CSMD3: variants seen among roughly 807,000 people sequenced by gnomAD.
CSMD3 encodes CUB and sushi domain-containing protein 3.
In CSMD3, 177 loss-of-function variants were observed where a neutral mutation model predicts 435.2. That is an observed-to-expected ratio of 0.41 (90% CI 0.36 to 0.46). The LOEUF is 0.46. Among genes scored for constraint, CSMD3 ranks in the 20% least tolerant of loss-of-function variants. The probability of loss-of-function intolerance (pLI) is 0.34; values close to 1 mark genes in which losing one functional copy is unlikely to be tolerated. For synonymous variants in CSMD3, 1,656 were observed against 1,520.5 expected (o/e 1.09, Z -2.07); for missense variants, 4,265 against 4,504.6 (o/e 0.95, Z 1.52).
chr8:112,955,419 G>A (rs376546418), intron 7 of CSMD3, among the ~76,000 whole-genome samples: 20 of 151,650 alleles, frequency 1.3e-4, no homozygotes, highest in Non-Finnish European at 2.4e-4. Flanking sequence ...TATTTATGGC[G>A]TACATAGGAT....
chr8:112,962,285 A>G (rs568929914), intron 7 of CSMD3, among the ~76,000 whole-genome samples: 5 of 151,952 alleles, frequency 3.3e-5, no homozygotes, highest in South Asian at 2.1e-4. Flanking sequence ...GTAAATTGTA[A>G]CATGAAAAAT....
At chr8:112,977,151 A>G (rs1314262452) in intron 6 of CSMD3, among the ~76,000 whole-genome samples, 1 of 152,036 alleles carries the variant, frequency 6.6e-6, no homozygotes, top group Admixed American at 6.6e-5. Flanking sequence ...TTTATAATAG[A>G]AGCATGAAAT....
At chr8:113,327,408 AT>A (rs2093991283) in intron 1 of CSMD3, among the ~76,000 whole-genome samples, 1 of 152,216 alleles carries the variant, frequency 6.6e-6, no homozygotes, top group African/African-American at 2.4e-5. Flanking sequence ...TATGGGATTT[AT>A]CCCAAATCTG....
intron 4 of CSMD3, among the ~76,000 whole-genome samples, chr8:113,169,850 G>T (rs2092234612): frequency 6.6e-6 from 1 of 152,110 alleles, no homozygotes; most frequent in African/African-American, 2.4e-5. Flanking sequence ...TCTCATTCAA[G>T]ACTTGGCGCA....
chr8:113,249,760 T>C (rs1345407866), intron 3 of CSMD3, among the ~76,000 whole-genome samples: 1 of 151,976 alleles, frequency 6.6e-6, no homozygotes, highest in Non-Finnish European at 1.5e-5. Flanking sequence ...AAATATTTAA[T>C]GTGGCTACTC....
At chr8:112,323,412 G>A (rs559330485) in intron 45 of CSMD3, among the ~76,000 whole-genome samples, 191 of 152,108 alleles carry the variant, frequency 1.3e-3, no homozygotes, top group African/African-American at 4.4e-3. Context: ...TAAAATTCAT[G>A]CCTTTCCTGG....
chr8:113,334,030 T>C (rs958784704), intron 1 of CSMD3, among the ~76,000 whole-genome samples: 3 of 151,866 alleles, frequency 2.0e-5, no homozygotes, highest in Non-Finnish European at 4.4e-5. Context: ...ATTTTCTTAA[T>C]GAGTGTAAAT....
intron 27 of CSMD3, among the ~76,000 whole-genome samples, chr8:112,524,106 T>C (rs1433238254): frequency 1.3e-5 from 2 of 152,096 alleles, no homozygotes; most frequent in Non-Finnish European, 1.5e-5. Flanking sequence ...ACAGCCCTGC[T>C]TTCATAGATT....
intron 38 of CSMD3, among the ~76,000 whole-genome samples, chr8:112,379,356 C>A (rs1459779470): frequency 6.6e-6 from 1 of 152,064 alleles, no homozygotes; most frequent in Non-Finnish European, 1.5e-5. Flanking sequence ...GTAATCCCAG[C>A]TACTTGGGAG....
chr8:112,307,486 T>G (rs1268453626), intron 50 of CSMD3, among the ~76,000 whole-genome samples: 1 of 152,108 alleles, frequency 6.6e-6, no homozygotes, highest in Non-Finnish European at 1.5e-5. Context: ...TTTCGTCATG[T>G]TGGCCAGGCT....
chr8:113,079,951 T>C (rs868186225), intron 5 of CSMD3, among the ~76,000 whole-genome samples: 3 of 152,174 alleles, frequency 2.0e-5, no homozygotes, highest in African/African-American at 4.8e-5. Flanking sequence ...TTTGTTTGTT[T>C]GTTTTTCTCT....
At chr8:112,644,413 T>C (rs1386491770) in intron 20 of CSMD3, among the ~76,000 whole-genome samples, 1 of 152,046 alleles carries the variant, frequency 6.6e-6, no homozygotes, top group Non-Finnish European at 1.5e-5. Context: ...CCTATAGGGA[T>C]ACATGTCATT....
chr8:113,159,634 T>C (rs1042421355), intron 4 of CSMD3, among the ~76,000 whole-genome samples: 3 of 152,006 alleles, frequency 2.0e-5, no homozygotes, highest in Non-Finnish European at 4.4e-5. Flanking sequence ...GAAAAAGATA[T>C]TCAAGGTTTC....
At chr8:112,596,873 A>C (rs1479085933) in intron 22 of CSMD3, among the ~76,000 whole-genome samples, 1 of 152,030 alleles carries the variant, frequency 6.6e-6, no homozygotes, top group Non-Finnish European at 1.5e-5. Flanking sequence ...AGCAGTGTGT[A>C]GAGGGAAATT....
chr8:112,577,874 C>G (rs563603603), intron 23 of CSMD3, among the ~76,000 whole-genome samples: 1 of 152,094 alleles, frequency 6.6e-6, no homozygotes, highest in African/African-American at 2.4e-5. Flanking sequence ...ACTCATTTAT[C>G]TAATGAATTA....
intron 11 of CSMD3, among the ~76,000 whole-genome samples, chr8:112,833,499 T>A (rs141196503): frequency 6.6e-6 from 1 of 152,168 alleles, no homozygotes; most frequent in Non-Finnish European, 1.5e-5. Context: ...ATTTGTAAAT[T>A]ATTTTTAGTT....
At chr8:112,831,339 G>A (rs989553253) in intron 11 of CSMD3, among the ~76,000 whole-genome samples, 1 of 110,738 alleles carries the variant, frequency 9.0e-6, no homozygotes, top group African/African-American at 3.5e-5. Context: ...TTTTTTTTTT[G>A]GCTACTATAA....
chr8:112,362,665 C>G (rs530252191), intron 38 of CSMD3, among the ~76,000 whole-genome samples: 1 of 145,870 alleles, frequency 6.9e-6, no homozygotes, highest in Non-Finnish European at 1.5e-5. Flanking sequence ...CTTGACGGAA[C>G]AGGAGAGGAG....
At chr8:112,258,133 A>C (rs1815984399) in intron 61 of CSMD3, among the ~76,000 whole-genome samples, 1 of 152,240 alleles carries the variant, frequency 6.6e-6, no homozygotes, top group Non-Finnish European at 1.5e-5. Context: ...AATTAACTTG[A>C]GATACATTAA....
Sources: gnomAD v4.1 joint callset for allele counts (sites outside exome capture counted in the v4.1 genomes callset) on GRCh38, gnomAD v4.1.1 for gene constraint, MANE v1.5 for transcripts, NCBI Gene and HGNC (gene_info 2026-07-23, HGNC 2026-07-21) for gene names.